ZNF385B: variants seen among roughly 807,000 people sequenced by gnomAD.
The protein encoded by ZNF385B is zinc finger protein 385B.
A neutral mutation model predicts 39.2 loss-of-function variants in ZNF385B; 23 were observed. The observed-to-expected ratio is 0.59, with a 90% CI of 0.42 to 0.83. The LOEUF (loss-of-function observed/expected upper bound fraction) is 0.83, where lower values mean the gene tolerates loss of function less well. Ranked by LOEUF, ZNF385B falls within the 40% of genes least tolerant of loss-of-function variation. The pLI, the probability that ZNF385B is intolerant of heterozygous loss-of-function variation, is 0.00. For synonymous variants in ZNF385B, 205 were observed against 222.6 expected, an observed-to-expected ratio of 0.92 and a Z score of 0.70; for missense variants, 552 against 598.9, an observed-to-expected ratio of 0.92 and a Z score of 0.82.
chr2:179,740,018 T>C (rs1358783121), intron 3 of ZNF385B, among the ~76,000 whole-genome samples: 3 of 152,132 alleles, frequency 2.0e-5, no homozygotes, highest in African/African-American at 7.2e-5. Context: ...ACAGAAAGTA[T>C]GGAAAAATGA....
At chr2:179,714,378 C>T (rs942398800) in intron 3 of ZNF385B, among the ~76,000 whole-genome samples, 1 of 152,100 alleles carries the variant, frequency 6.6e-6, no homozygotes, top group African/African-American at 2.4e-5. Flanking sequence ...AGTTACTTAT[C>T]GAAGAATATC....
At chr2:179,472,635 A>G (rs2052905109) in intron 6 of ZNF385B, among the ~76,000 whole-genome samples, 1 of 152,222 alleles carries the variant, frequency 6.6e-6, no homozygotes, top group African/African-American at 2.4e-5. Context: ...AAAATTGTTT[A>G]CCAAGGAAAG....
At chr2:179,826,358 C>T (rs561904602) in intron 1 of ZNF385B, among the ~76,000 whole-genome samples, 4 of 152,292 alleles carry the variant, frequency 2.6e-5, no homozygotes, top group African/African-American at 9.6e-5. Context: ...GATGCCCTCA[C>T]GGGTTTTCTT....
At chr2:179,560,686 T>A (rs1337070895) in intron 3 of ZNF385B, among the ~76,000 whole-genome samples, 1 of 152,182 alleles carries the variant, frequency 6.6e-6, no homozygotes, top group African/African-American at 2.4e-5. Flanking sequence ...TCTGTCTCTC[T>A]CTGTTTCTGT....
chr2:179,789,838 G>A (rs1331042039), intron 1 of ZNF385B, among the ~76,000 whole-genome samples: 1 of 152,084 alleles, frequency 6.6e-6, no homozygotes, highest in African/African-American at 2.4e-5. Flanking sequence ...TTTGGGGATG[G>A]GAGGGCGGAA....
intron 3 of ZNF385B, among the ~76,000 whole-genome samples, chr2:179,611,185 T>G (rs67053349): frequency 6.6e-6 from 1 of 152,108 alleles, no homozygotes; most frequent in African/African-American, 2.4e-5. Flanking sequence ...GTCTGTCATA[T>G]ATGGCTTTTA....
At chr2:179,671,721 C>T (rs559655283) in intron 3 of ZNF385B, among the ~76,000 whole-genome samples, 1 of 152,334 alleles carries the variant, frequency 6.6e-6, no homozygotes, top group African/African-American at 2.4e-5. Context: ...AAGGCTCTGC[C>T]ACCTGCACTC....
At chr2:179,707,718 C>A (rs75527901) in intron 3 of ZNF385B, among the ~76,000 whole-genome samples, 1 of 152,150 alleles carries the variant, frequency 6.6e-6, no homozygotes, top group African/African-American at 2.4e-5. Flanking sequence ...ACAGGGTATG[C>A]GCTGCCAGCA....
chr2:179,476,225 C>T (rs1475589778), intron 6 of ZNF385B, among the ~76,000 whole-genome samples: 1 of 152,078 alleles, frequency 6.6e-6, no homozygotes, highest in East Asian at 1.9e-4. Flanking sequence ...TTGTTGAAAT[C>T]TCAAGGGCAT....
chr2:179,534,802 T>C (rs1165206170), intron 4 of ZNF385B: 1 of 152,178 alleles, frequency 6.6e-6, no homozygotes. Context: ...TAGAACAAAG[T>C]AAGTAGAGTT....
chr2:179,633,980 G>A (rs1333854655), intron 3 of ZNF385B, among the ~76,000 whole-genome samples: 3 of 152,126 alleles, frequency 2.0e-5, no homozygotes, highest in African/African-American at 7.2e-5. Flanking sequence ...TTTAATAAAT[G>A]GTGCTGGGAA....
At chr2:179,524,063 G>A (rs2058697445) in intron 4 of ZNF385B, among the ~76,000 whole-genome samples, 1 of 151,984 alleles carries the variant, frequency 6.6e-6, no homozygotes, top group African/African-American at 2.4e-5. Context: ...CTTTCAAAGT[G>A]CTGGGATTAC....
chr2:179,575,790 T>C (rs1195475671), intron 3 of ZNF385B, among the ~76,000 whole-genome samples: 1 of 104,748 alleles, frequency 9.5e-6, no homozygotes, highest in African/African-American at 3.6e-5. Flanking sequence ...TAAAAGACTT[T>C]TGTTTTTTTT....
chr2:179,528,051 A>G (rs1001635297), intron 4 of ZNF385B, among the ~76,000 whole-genome samples: 2 of 152,206 alleles, frequency 1.3e-5, no homozygotes, highest in African/African-American at 4.8e-5. Context: ...TTTTACATGT[A>G]AAGTCATACC....
At chr2:179,565,028 C>A (rs1684396441) in intron 3 of ZNF385B, among the ~76,000 whole-genome samples, 1 of 152,174 alleles carries the variant, frequency 6.6e-6, no homozygotes, top group Non-Finnish European at 1.5e-5. Flanking sequence ...CACCTCCTTT[C>A]CTTTTTCATA....
chr2:179,497,298 A>G (rs757503876), intron 5 of ZNF385B, among the ~76,000 whole-genome samples: 23 of 152,230 alleles, frequency 1.5e-4, no homozygotes, highest in Non-Finnish European at 2.8e-4. Flanking sequence ...TCTTAGCCTA[A>G]GTAGAAAGAC....
intron 3 of ZNF385B, among the ~76,000 whole-genome samples, chr2:179,701,988 C>T (rs569379370): frequency 6.6e-6 from 1 of 152,166 alleles, no homozygotes; most frequent in Admixed American, 6.5e-5. Flanking sequence ...TGAAAGCAGA[C>T]AAATACCCGT....
chr2:179,524,539 G>A (rs1355733623), intron 4 of ZNF385B, among the ~76,000 whole-genome samples: 6 of 98,812 alleles, frequency 6.1e-5, no homozygotes, highest in East Asian at 3.2e-4. Context: ...GTGACAGAGC[G>A]AGACTCCGTC....
At position 179,483,422 on chromosome 2, in the gene ZNF385B, C is replaced by G; in HGVS notation, c.565G>C (p.Ala189Pro). 1 of 1,613,864 alleles carries G rather than the reference C, an allele frequency of 6.2e-7. No homozygotes were observed. The highest frequency in any genetic ancestry group is 8.5e-7 in the Non-Finnish European group (1 of 1,179,822). ...LRFNSDSQAE[A>P]HYKGSKHAKK... ...GCATGTTTACTTCCTTTGTAGTGGG[C>G]CTCGGCCTGGCTCTACAAAGGAGAA... The change falls in exon 6 of 10, where the codon GCC becomes CCC. Residue 189 changes from alanine (A) to proline (P), a missense_variant. Coordinates refer to ENST00000410066, the MANE Select transcript of ZNF385B (RefSeq NM_152520.6).
Sources: gnomAD v4.1 joint callset for allele counts (sites outside exome capture counted in the v4.1 genomes callset) on GRCh38, gnomAD v4.1.1 for gene constraint, MANE v1.5 for transcripts, NCBI Gene and HGNC (gene_info 2026-07-23, HGNC 2026-07-21) for gene names.